The following BOD1 variants were observed in gnomAD, a reference collection of about 807,000 sequenced individuals.
BOD1 encodes biorientation of chromosomes in cell division 1.
In BOD1, 11 loss-of-function variants were observed where a neutral mutation model predicts 15.7. The ratio of observed to expected loss-of-function variants is 0.70; its 90% confidence interval spans 0.44 to 1.16. The LOEUF (loss-of-function observed/expected upper bound fraction) is 1.16. BOD1 is among the 50% of genes most tolerant of loss of function. The pLI is 0.00. For synonymous variants in BOD1, 105 were observed against 103.5 expected, an observed-to-expected ratio of 1.01 and a Z score of -0.09; for missense variants, 182 against 244.5, an observed-to-expected ratio of 0.74 and a Z score of 1.70.
Position 173,609,387 on chromosome 5 carries a change from A to C in BOD1, c.410T>G (p.Val137Gly). 1 of 1,614,230 alleles carries C rather than the reference A, an allele frequency of 6.2e-7. No individual in the cohort carries two copies. Among genetic ancestry groups the C allele is most frequent in the Non-Finnish European group, 8.5e-7 (1 of 1,180,042 alleles). ...GAAGATGTGGTTAAGTTTTGGATCCACCACCTGAGAAATAATCCTGTCTAC... is the reference window on the plus strand; with the variant it reads ...GAAGATGTGGTTAAGTTTTGGATCCCCCACCTGAGAAATAATCCTGTCTAC... ...AGVDRIISQV[V>G]DPKLNHIFRP... The change falls in exon 3 of 4, where the codon GTG (valine) becomes GGG (glycine). Residue 137 changes from valine to glycine, a missense_variant. Coordinates refer to ENST00000311086, the MANE Select transcript of BOD1 (RefSeq NM_138369.3).
Position 173,607,263 on chromosome 5 carries a change from T to G in BOD1, c.*1031A>C, listed in dbSNP as rs1284158167. ...TCAGAAATATGCATTTTCCCTTAAA[T>G]CCCCAGGTGCTACTTCTGCACACAC... is the stretch of plus-strand genomic sequence containing the variant. On this transcript the variant is annotated 3_prime_UTR_variant, in exon 4 of 4. Transcript: ENST00000311086. Among the ~76,000 whole-genome samples, 1 of 152,130 alleles carries G rather than the reference T, an allele frequency of 6.6e-6. No individual in the cohort carries two copies. Among genetic ancestry groups the G allele is most frequent in the Non-Finnish European group, 1.5e-5 (1 of 68,028 alleles).
Position 173,608,273 on chromosome 5 carries a change from CA to C in BOD1, c.*20del. On this transcript the variant is annotated 3_prime_UTR_variant, in exon 4 of 4. Coordinates refer to ENST00000311086, the MANE Select transcript of BOD1 (RefSeq NM_138369.3). ...CATTTCTTCACCAAAAATTAGCTTT[CA>C]AAAGGTGTCTGGCGTATTCTAAAAA... is the stretch of plus-strand genomic sequence containing the variant. The C allele has an allele frequency of 6.2e-7, 1 of 1,612,152 alleles. No homozygotes were observed. Among genetic ancestry groups the C allele is most frequent in the Non-Finnish European group, 8.5e-7 (1 of 1,178,208 alleles).
chr5:173,608,163 G>T lies in BOD1; in HGVS notation c.*131C>A. 1 of 1,132,842 alleles carries T rather than the reference G, an allele frequency of 8.8e-7. No individual in the cohort carries two copies. The highest frequency in any genetic ancestry group is 1.3e-6 in the Non-Finnish European group (1 of 746,128). The allele number at this position is 1,132,842 out of a possible 1,614,324, so 70.2% of individuals were successfully genotyped here. A position where few individuals can be genotyped will look rare whatever the true frequency, so the allele number is the denominator to read the frequency against. ...TTGCTCCCCTTTCAATCTGGTCACT[G>T]CCCATGGTCAAGGTTGAAATCTTGA... On this transcript the variant is annotated 3_prime_UTR_variant, in exon 4 of 4. Coordinates refer to ENST00000311086, the MANE Select transcript of BOD1 (RefSeq NM_138369.3).
Position 173,609,260 on chromosome 5 carries a change from A to T in BOD1, c.537T>A (p.Ala179=). Residue 179 remains alanine (A), a synonymous_variant, in exon 3 of 4, where the codon GCT becomes GCA. Coordinates refer to ENST00000311086, the MANE Select transcript of BOD1 (RefSeq NM_138369.3). The part of the protein sequence containing the change: ...PPEPEGQDPP[A]PSQDTS ...GACCTTAGGAAGTGTCCTGAGATGG[A>T]GCTGGAGGGTCCTGGCCTTCGGGCT... 6.2e-7 allele frequency: 1 copy of T among 1,614,060 alleles called. No homozygotes were observed. The highest frequency in any genetic ancestry group is 8.5e-7 in the Non-Finnish European group (1 of 1,179,956).
At position 173,616,402 on chromosome 5, in the gene BOD1, G is replaced by A. The variant is rs757098185; in HGVS notation, c.35C>T (p.Ala12Val). The A allele has an allele frequency of 4.3e-5, 66 of 1,529,868 alleles. No individual in the cohort carries two copies. Among genetic ancestry groups the A allele is most frequent in the Non-Finnish European group, 5.7e-5 (65 of 1,148,392 alleles). 94.8% of individuals were successfully genotyped at this position (1,529,868 alleles called of 1,614,324 possible). The change falls in exon 1 of 4, where the codon GCG (alanine) becomes GTG (valine). Residue 12 changes from alanine (A) to valine (V), a missense_variant. Around this residue, in one of 3 missense-constraint regions of BOD1, gnomAD observed 72 missense variants for 68.9 expected, o/e 1.05. Transcript: ENST00000311086. ...CTGGCTAGTTCCGCCGCCGCCCACC[G>A]CGCCAGTTCCCCCGCCGCCGCCGCC... ...ADGGGGGGTG[A>V]VGGGGTSQAS...
chr5:173,609,779 C>T lies in BOD1; in HGVS notation c.363-345G>A, dbSNP rs574616249. ...CACGTGTGGCACTGAAAAGCTTCCT[C>T]GTACTGTCAAAGCCAGTAAGCCCCG... is the stretch of plus-strand genomic sequence containing the variant. On this transcript the variant is annotated intron_variant, in intron 2 of 3. Coordinates refer to ENST00000311086, the MANE Select transcript of BOD1 (RefSeq NM_138369.3). The T allele has an allele frequency of 6.3e-5, 15 of 236,418 alleles. No individual in the cohort carries two copies. The East Asian group carries it at 1.2e-3, about 19-fold the overall frequency. 14.6% of individuals were successfully genotyped at this position (236,418 alleles called of 1,614,324 possible). A position where few individuals can be genotyped will look rare whatever the true frequency, so the allele number is the denominator to read the frequency against.
At chr5:173,615,550 T>C (rs980324271) in intron 1 of BOD1, among the ~76,000 whole-genome samples, 3 of 152,232 alleles carry the variant, frequency 2.0e-5, no homozygotes, top group African/African-American at 7.2e-5. Context: ...TGTCTGATAC[T>C]TAACACCCAT....
Position 173,613,141 on chromosome 5 carries a change from TC to T in BOD1, c.351del (p.Ser118ValfsTer12), listed in dbSNP as rs1755399556. The T allele has an allele frequency of 6.2e-7, 1 of 1,614,042 alleles. No individual in the cohort carries two copies. Among genetic ancestry groups the T allele is most frequent in the Non-Finnish European group, 8.5e-7 (1 of 1,179,928 alleles). On this transcript the variant is annotated frameshift_variant, in exon 2 of 4. Transcript: ENST00000311086. LOFTEE classifies it high-confidence loss of function. ...NKNQLRNGLR[Q>X]SVVQSGMLEA... is the part of the protein sequence containing the mutation. ...ATTCTGCTTACTTACTGAACCACACTCTGCCTCAGACCATTTCGCAACTGGT... is the reference window on the plus strand; with the variant it reads ...ATTCTGCTTACTTACTGAACCACACTTGCCTCAGACCATTTCGCAACTGGT...
intron 1 of BOD1, among the ~76,000 whole-genome samples, chr5:173,615,171 G>A (rs1469973627): frequency 6.6e-6 from 1 of 152,182 alleles, no homozygotes; most frequent in Non-Finnish European, 1.5e-5. Context: ...CTTGGAGAAG[G>A]AACAGTGTAT....
intron 2 of BOD1, chr5:173,609,704 A>G (rs1755297834): frequency 2.6e-6 from 1 of 391,350 alleles, no homozygotes; most frequent in Non-Finnish European, 4.6e-6. Flanking sequence ...AAACTAAGTG[A>G]GTTGCTCCAA....
chr5:173,616,540 C>A lies in BOD1; in HGVS notation c.-104G>T. On this transcript the variant is annotated 5_prime_UTR_variant, in exon 1 of 4. Transcript: ENST00000311086. ...TGAAGGGGGCGGTGAAGGAGGAGGG[C>A]CCCAAGGCGGCAGCGGCGGAGGTGG... is the stretch of plus-strand genomic sequence containing the variant. 1 of 1,414,604 alleles carries A rather than the reference C, an allele frequency of 7.1e-7. No homozygotes were observed. Among genetic ancestry groups the A allele is most frequent in the Non-Finnish European group, 9.1e-7 (1 of 1,093,496 alleles). The allele number at this position is 1,414,604 out of a possible 1,614,324, so 87.6% of individuals were successfully genotyped here.
At chr5:173,612,844 A>C (rs947616992) in intron 2 of BOD1, among the ~76,000 whole-genome samples, 1 of 152,212 alleles carries the variant, frequency 6.6e-6, no homozygotes, top group Non-Finnish European at 1.5e-5. Flanking sequence ...TTTGGACAAC[A>C]CTGAAACTTC....
intron 2 of BOD1, among the ~76,000 whole-genome samples, chr5:173,612,523 C>A (rs1008675291): frequency 2.0e-5 from 3 of 152,232 alleles, no homozygotes; most frequent in African/African-American, 7.2e-5. Flanking sequence ...CCCCTCCTCC[C>A]ATCCGTAACC....
chr5:173,608,580 G>A (rs529763710), intron 3 of BOD1, among the ~76,000 whole-genome samples: 51 of 152,276 alleles, frequency 3.3e-4, no homozygotes, highest in African/African-American at 1.2e-3. Flanking sequence ...AGAATGAAGG[G>A]ATAAAACATA....
chr5:173,609,390 AC>A lies in BOD1; in HGVS notation c.406del (p.Val136TrpfsTer14), dbSNP rs1238538495. On this transcript the variant is annotated frameshift_variant, in exon 3 of 4. Coordinates refer to ENST00000311086, the MANE Select transcript of BOD1 (RefSeq NM_138369.3). LOFTEE classifies it high-confidence loss of function. ...GATGTGGTTAAGTTTTGGATCCACCACCTGAGAAATAATCCTGTCTACTCCA... is the reference window on the plus strand; with the variant it reads ...GATGTGGTTAAGTTTTGGATCCACCACTGAGAAATAATCCTGTCTACTCCA... ...EAGVDRIISQVVDPKLNHIFR... is the reference protein window; with the variant it reads ...EAGVDRIISQXVDPKLNHIFR... 1 of 1,614,086 alleles carries A rather than the reference AC, an allele frequency of 6.2e-7. No homozygotes were observed. Among genetic ancestry groups the A allele is most frequent in the African/African-American group, 1.3e-5 (1 of 74,936 alleles).
intron 1 of BOD1, among the ~76,000 whole-genome samples, chr5:173,615,282 C>G (rs1755464496): frequency 6.6e-6 from 1 of 152,154 alleles, no homozygotes; most frequent in Admixed American, 6.5e-5. Flanking sequence ...GTGACTTATT[C>G]CTGTAATCGC....
chr5:173,616,237 C>A lies in BOD1; in HGVS notation c.200G>T (p.Ser67Ile). ...GTCGGCCAGGCAGTCCCGGCGGAAG[C>A]TGTCAAAAAGGCCCCGGCTCTTGAG... is the stretch of plus-strand genomic sequence containing the variant. ...EQLKSRGLFDSFRRDCLADVD... is the reference protein window; with the variant it reads ...EQLKSRGLFDIFRRDCLADVD... Residue 67 changes from serine to isoleucine, a missense_variant, in exon 1 of 4, where the codon AGC (serine) becomes ATC (isoleucine). Ser to Ile is a moderately radical substitution (Grantham distance 142, BLOSUM62 -2). Coordinates refer to ENST00000311086, the MANE Select transcript of BOD1 (RefSeq NM_138369.3). 1 of 1,576,498 alleles carries A rather than the reference C, an allele frequency of 6.3e-7. No individual in the cohort carries two copies. The highest frequency in any genetic ancestry group is 8.6e-7 in the Non-Finnish European group (1 of 1,161,930).
At chr5:173,608,428 G>T in intron 3 of BOD1, 136 bp from the exon 4 acceptor site, 1 of 694,870 alleles carries the variant, frequency 1.4e-6, no homozygotes, top group Non-Finnish European at 2.4e-6. Context: ...TGGACTCAAG[G>T]GCTTCTCTCA....
chr5:173,610,694 G>A (rs1266555426), intron 2 of BOD1, among the ~76,000 whole-genome samples: 7 of 152,112 alleles, frequency 4.6e-5, no homozygotes, highest in Non-Finnish European at 1.0e-4. Context: ...TTCCTGAGTC[G>A]GATTCACAGG....
Sources: gnomAD v4.1 joint callset for allele counts (sites outside exome capture counted in the v4.1 genomes callset) on GRCh38, gnomAD v4.1.1 for gene constraint, gnomAD v4.1.1 regional missense constraint, MANE v1.5 for transcripts, NCBI Gene and HGNC (gene_info 2026-07-23, HGNC 2026-07-21) for gene names.